STAU1: variants seen among roughly 807,000 people sequenced by gnomAD.
STAU1 encodes the protein staufen double-stranded RNA binding protein 1.
STAU1 carries 13 observed loss-of-function variants against 62.9 expected under a neutral mutation model. The ratio of observed to expected loss-of-function variants is 0.21; its 90% CI spans 0.13 to 0.33. The LOEUF (loss-of-function observed/expected upper bound fraction) is 0.33. Ranked by LOEUF, STAU1 falls within the 10% of genes least tolerant of loss-of-function variation. The pLI is 1.00. For synonymous variants in STAU1, 269 were observed against 265.1 expected (o/e 1.01, Z -0.14); for missense variants, 571 against 712.1 (o/e 0.80, Z 2.25).
intron 3 of STAU1, among the ~76,000 whole-genome samples, chr20:49,165,681 T>C (rs541306010): frequency 1.3e-5 from 2 of 152,234 alleles, no homozygotes; most frequent in African/African-American, 2.4e-5. Flanking sequence ...CATACAACGA[T>C]GAATATCCAA....
chr20:49,114,933 TG>T (rs1403029349), intron 13 of STAU1, 40 bp from the exon 14 acceptor site: 1 of 1,601,516 alleles, frequency 6.2e-7, no homozygotes, highest in Admixed American at 1.7e-5. Context: ...AGTTTTGAAA[TG>T]TAAGAGAATT....
chr20:49,147,216 T>C (rs1175387724), intron 5 of STAU1, among the ~76,000 whole-genome samples: 1 of 152,204 alleles, frequency 6.6e-6, no homozygotes, highest in African/African-American at 2.4e-5. Flanking sequence ...TTTTCCATCC[T>C]TGCACTAAAT....
At chr20:49,122,971 G>A (rs890672254) in intron 8 of STAU1, 121 bp downstream of exon 8, 17 of 961,706 alleles carry the variant, frequency 1.8e-5, no homozygotes, top group Non-Finnish European at 2.3e-5. Flanking sequence ...CACAGTCGCT[G>A]GCAGAACATG....
At chr20:49,195,898 C>CAAAAAAA in the STAU1 span, among the ~76,000 whole-genome samples, 65 of 33,386 alleles carry the variant, frequency 1.9e-3, no homozygotes, top group African/African-American at 2.7e-3. Context: ...AACTTCCTCT[C>CAAAAAAA]AAAAAAAAAA....
At chr20:49,130,090 A>AACAG (rs71337493) in intron 6 of STAU1, among the ~76,000 whole-genome samples, 2 of 151,734 alleles carry the variant, frequency 1.3e-5, no homozygotes, top group African/African-American at 2.4e-5. Context: ...TCAACTGGTA[A>AACAG]ATAGATACAC....
At chr20:49,205,295 C>A in the STAU1 span, among the ~76,000 whole-genome samples, 1 of 151,800 alleles carries the variant, frequency 6.6e-6, no homozygotes. Flanking sequence ...CTTCTCATTA[C>A]GCACACAAGT....
chr20:49,177,190 G>A (rs534185124), intron 1 of STAU1, among the ~76,000 whole-genome samples: 42 of 151,418 alleles, frequency 2.8e-4, no homozygotes, highest in Non-Finnish European at 4.3e-4. Context: ...GATTACAGGC[G>A]TGAGCCACCG....
intron 1 of STAU1, among the ~76,000 whole-genome samples, chr20:49,187,228 A>C (rs2093798980): frequency 6.6e-6 from 1 of 152,048 alleles, no homozygotes; most frequent in South Asian, 2.1e-4. Context: ...GGGCGGGGAG[A>C]AATGGACAGG....
chr20:49,167,596 G>A (rs1339696777), intron 2 of STAU1, among the ~76,000 whole-genome samples: 4 of 152,252 alleles, frequency 2.6e-5, no homozygotes, highest in East Asian at 1.9e-4. Flanking sequence ...TAACAGAGGC[G>A]TTCCATTGAA....
At chr20:49,171,295 T>C (rs2093593434) in intron 2 of STAU1, among the ~76,000 whole-genome samples, 1 of 152,166 alleles carries the variant, frequency 6.6e-6, no homozygotes, top group South Asian at 2.1e-4. Context: ...ACCAGTTATT[T>C]ATTTATTTAT....
At chr20:49,180,970 T>C (rs1476377415) in intron 1 of STAU1, among the ~76,000 whole-genome samples, 1 of 152,124 alleles carries the variant, frequency 6.6e-6, no homozygotes, top group Non-Finnish European at 1.5e-5. Context: ...CAAAGCATGG[T>C]TCAGTGGAAA....
At chr20:49,134,305 C>A (rs1337016607) in intron 6 of STAU1, among the ~76,000 whole-genome samples, 1 of 151,920 alleles carries the variant, frequency 6.6e-6, no homozygotes, top group Non-Finnish European at 1.5e-5. Context: ...GTGGCGTATG[C>A]CTGTAATCCC....
chr20:49,155,516 A>G (rs901266213), intron 3 of STAU1, among the ~76,000 whole-genome samples: 2 of 152,188 alleles, frequency 1.3e-5, no homozygotes, highest in Non-Finnish European at 2.9e-5. Flanking sequence ...AAAACAGAAC[A>G]CTAGAAATGG....
the STAU1 span, chr20:49,219,221 A>G: frequency 1.7e-5 from 14 of 833,730 alleles, no homozygotes. Flanking sequence ...GCCGGAGACA[A>G]TGGAATTTGC....
upstream of STAU1, among the ~76,000 whole-genome samples, chr20:49,190,991 G>C (rs978805488): frequency 7.0e-6 from 1 of 142,982 alleles, no homozygotes; most frequent in Non-Finnish European, 1.5e-5. Context: ...CTGATGCAAA[G>C]CTCATAAAAG....
At chr20:49,182,415 C>G (rs760537510) in intron 1 of STAU1, among the ~76,000 whole-genome samples, 4 of 152,138 alleles carry the variant, frequency 2.6e-5, no homozygotes, top group Non-Finnish European at 4.4e-5. Flanking sequence ...CCATCCATCC[C>G]GTGGCATTTG....
At position 49,119,982 on chromosome 20, in the gene STAU1, C is replaced by T. The variant is rs1320191859; in HGVS notation, c.1113G>A (p.Lys371=). ...PTKPALKSEE[K]TPIKKPGDGR... is the part of the protein sequence containing the mutation. ...CAATCAGAGAGCCCACAGCACTCACCTTCTCCTCTGACTTGAGTGCGGGTT... is the reference window on the plus strand; with the variant it reads ...CAATCAGAGAGCCCACAGCACTCACTTTCTCCTCTGACTTGAGTGCGGGTT... Residue 371 remains lysine (K), a splice_region_variant and synonymous_variant, in exon 9 of 14, where the codon AAG becomes AAA. Coordinates refer to ENST00000371856, the MANE Select transcript of STAU1 (RefSeq NM_017453.4). 6.2e-7 allele frequency: 1 copy of T among 1,613,836 alleles called. No individual in the cohort carries two copies. The highest frequency in any genetic ancestry group is 1.7e-5 in the Admixed American group (1 of 59,990).
intron 10 of STAU1, 95 bp downstream of exon 10, chr20:49,118,238 G>A: frequency 7.2e-7 from 1 of 1,386,316 alleles, no homozygotes; most frequent in Non-Finnish European, 1.0e-6. Flanking sequence ...CACTTTGCAT[G>A]CGGGACCTCA....
chr20:49,146,719 GGAAA>G (rs1338665159), intron 5 of STAU1, among the ~76,000 whole-genome samples: 11 of 149,102 alleles, frequency 7.4e-5, no homozygotes. Flanking sequence ...AAAAAAAAAA[GGAAA>G]GAAAGAAACA....
Sources: gnomAD v4.1 joint callset for allele counts (sites outside exome capture counted in the v4.1 genomes callset) on GRCh38, gnomAD v4.1.1 for gene constraint, MANE v1.5 for transcripts, NCBI Gene and HGNC (gene_info 2026-07-23, HGNC 2026-07-21) for gene names.